CSNK1E: variants seen among roughly 807,000 people sequenced by gnomAD.
CSNK1E encodes the protein casein kinase 1 epsilon.
CSNK1E carries 17 observed loss-of-function variants against 46.1 expected under a neutral mutation model. The observed-to-expected ratio is 0.37, with a 90% CI of 0.25 to 0.55. CSNK1E has a LOEUF of 0.55. Among genes scored for constraint, CSNK1E ranks in the 20% least tolerant of loss-of-function variants. The probability of loss-of-function intolerance (pLI) is 0.82; values close to 1 mark genes in which losing one functional copy is unlikely to be tolerated. For missense variants in CSNK1E, 386 were observed against 595.4 expected, an observed-to-expected ratio of 0.65 and a Z score of 3.66; for synonymous variants, 241 against 242.6, an observed-to-expected ratio of 0.99 and a Z score of 0.06.
intron 10 of CSNK1E, chr22:38,292,989 T>C (rs1389385237): frequency 1.4e-5 from 7 of 505,132 alleles, no homozygotes; most frequent in South Asian, 1.1e-4. Flanking sequence ...CAGAAGGAGA[T>C]AGAGACCTGG....
At position 38,302,473 on chromosome 22, in the gene CSNK1E, G is replaced by A. The variant is rs188485059; in HGVS notation, c.336+388C>T. On this transcript the variant is annotated intron_variant, in intron 4 of 10. Transcript: ENST00000396832. ...TTAAATAAACAACTTGGCTGGGCAC[G>A]GTGGCTCACGCCTGTAATCCCAGCA... 1.3e-3 allele frequency among the ~76,000 whole-genome samples: 200 copies of A among 152,288 alleles called. 2 individuals are homozygous for A. The highest frequency in any genetic ancestry group is 4.1e-3 in the African/African-American group (169 of 41,562).
intron 1 of CSNK1E, among the ~76,000 whole-genome samples, chr22:38,315,299 G>A (rs1334634910): frequency 1.3e-5 from 2 of 152,240 alleles, no homozygotes; most frequent in African/African-American, 4.8e-5. Flanking sequence ...GGCCAGCCTG[G>A]GAGGGAGATG....
At chr22:38,301,568 G>C (rs1490158060) in intron 4 of CSNK1E, among the ~76,000 whole-genome samples, 5 of 152,120 alleles carry the variant, frequency 3.3e-5, no homozygotes, top group Non-Finnish European at 7.3e-5. Context: ...GAATAGCTGG[G>C]ACTATAGGCA....
chr22:38,299,628 A>C (rs1368842005), intron 6 of CSNK1E, among the ~76,000 whole-genome samples: 1 of 152,214 alleles, frequency 6.6e-6, no homozygotes, highest in African/African-American at 2.4e-5. Context: ...GGTTCAAGCA[A>C]TTCTCCTGCC....
chr22:38,313,657 G>T (rs949254495), intron 2 of CSNK1E, among the ~76,000 whole-genome samples: 2 of 152,212 alleles, frequency 1.3e-5, no homozygotes, highest in African/African-American at 4.8e-5. Flanking sequence ...GCCTGGGCTG[G>T]GTTCCAGGAG....
rs771805796 is a variant in CSNK1E at position 38,303,287 on chromosome 22, C to T, written c.77-39G>A. ...GGAGGCAAGGGACCAGGGTCACCCT[C>T]AAAGGCCAGGCAGTCCCAGGCGCCC... On this transcript the variant is annotated intron_variant, in intron 2 of 10. Transcript: ENST00000396832. This position sits in a 1 kb window ranked among gnomAD's most constrained non-coding sequence, Gnocchi z 4.7. The T allele has an allele frequency of 6.9e-5, 106 of 1,539,300 alleles. No individual in the cohort carries two copies. Among genetic ancestry groups the T allele is most frequent in the Middle Eastern group, 1.9e-4 (1 of 5,170 alleles).
At chr22:38,296,626 C>T in intron 7 of CSNK1E, 1 of 1,612,828 alleles carries the variant, frequency 6.2e-7, no homozygotes, top group Non-Finnish European at 8.5e-7. Context: ...GGGCCTGCCT[C>T]AAGAGGGACT....
rs1169433598 is a variant in CSNK1E, at chr22:38,300,812, G to A, written c.477C>T (p.Ala159=). ...DFGLAKKYRD[A]RTHQHIPYRE... Reference sequence around the variant, plus strand: ...GGTAGGGAATGTGCTGGTGGGTGCGGGCGTCCCGGTACTTCTTGGCCAGGC... The same window carrying A: ...GGTAGGGAATGTGCTGGTGGGTGCGAGCGTCCCGGTACTTCTTGGCCAGGC... The change falls in exon 5 of 11, where the codon GCC becomes GCT. Residue 159 remains alanine, a synonymous_variant. Transcript: ENST00000396832. The surrounding 1 kb of genome is among the most constrained non-coding windows in gnomAD (Gnocchi z 4.4). The A allele has an allele frequency of 6.2e-7, 1 of 1,614,250 alleles. No homozygotes were observed. Among genetic ancestry groups the A allele is most frequent in the Non-Finnish European group, 8.5e-7 (1 of 1,180,034 alleles).
intron 1 of CSNK1E, among the ~76,000 whole-genome samples, chr22:38,316,061 A>C (rs1482002718): frequency 2.0e-5 from 3 of 151,728 alleles, no homozygotes; most frequent in Non-Finnish European, 4.4e-5. Context: ...TTCATTCAGG[A>C]ATGGAGAGGC....
At position 38,298,538 on chromosome 22, in the gene CSNK1E, T is replaced by G; in HGVS notation, c.885+248A>C. 2.0e-6 allele frequency: 1 copy of G among 503,288 alleles called. No homozygotes were observed. Among genetic ancestry groups the G allele is most frequent in the Non-Finnish European group, 3.6e-6 (1 of 277,952 alleles). The allele number at this position is 503,288 out of a possible 1,614,324, so 31.2% of individuals were successfully genotyped here. On this transcript the variant is annotated intron_variant, in intron 7 of 10. Transcript: ENST00000396832. The surrounding 1 kb of genome is among the most constrained non-coding windows in gnomAD (Gnocchi z 4.2). ...GCGGGCACCCAGGAGGGACCCCAGG[T>G]GAAGCCAGATCCTCCTTGTTCCGAC...
At chr22:38,296,748 T>C (rs2092642851) in intron 7 of CSNK1E, 2 of 1,569,418 alleles carry the variant, frequency 1.3e-6, no homozygotes, top group Admixed American at 3.7e-5. Context: ...GGGAGGAACC[T>C]AGAGCAGTGA....
intron 2 of CSNK1E, among the ~76,000 whole-genome samples, chr22:38,313,815 C>A (rs1283752858): frequency 6.6e-6 from 1 of 152,190 alleles, no homozygotes; most frequent in African/African-American, 2.4e-5. Flanking sequence ...CCAGCTGACC[C>A]GGGACACTGA....
chr22:38,308,060 C>T (rs1233370267), intron 2 of CSNK1E, among the ~76,000 whole-genome samples: 1 of 152,192 alleles, frequency 6.6e-6, no homozygotes, highest in East Asian at 1.9e-4. Flanking sequence ...TATCTCCTCG[C>T]TCCATCCCCT....
chr22:38,301,844 A>G (rs995278517), intron 4 of CSNK1E, among the ~76,000 whole-genome samples: 4 of 152,102 alleles, frequency 2.6e-5, no homozygotes, highest in African/African-American at 9.7e-5. Flanking sequence ...TCACACCATG[A>G]GGGGCTCTGG....
At chr22:38,313,668 G>A (rs2092730738) in intron 2 of CSNK1E, among the ~76,000 whole-genome samples, 1 of 152,172 alleles carries the variant, frequency 6.6e-6, no homozygotes, top group African/African-American at 2.4e-5. Flanking sequence ...GTTCCAGGAG[G>A]CCAGGACATA....
At chr22:38,302,779 G>A in intron 4 of CSNK1E, 82 bp downstream of exon 4, 1 of 1,538,724 alleles carries the variant, frequency 6.5e-7, no homozygotes, top group Non-Finnish European at 8.9e-7. Flanking sequence ...CCCATCCTCT[G>A]GCATCCTCTG....
chr22:38,305,480 C>A (rs1366784172), intron 2 of CSNK1E, among the ~76,000 whole-genome samples: 4 of 41,860 alleles, frequency 9.6e-5, no homozygotes, highest in Non-Finnish European at 1.5e-4. Context: ...AAAAGAATCC[C>A]TTCTGCATGG....
chr22:38,295,327 G>T, intron 7 of CSNK1E: 1 of 679,620 alleles, frequency 1.5e-6, no homozygotes, highest in Non-Finnish European at 1.8e-6. Context: ...CCCTGGTGCA[G>T]GAGGAAGTGA....
chr22:38,308,607 C>T (rs1010161831), intron 2 of CSNK1E, among the ~76,000 whole-genome samples: 1 of 152,098 alleles, frequency 6.6e-6, no homozygotes, highest in African/African-American at 2.4e-5. Flanking sequence ...AACATGCTTA[C>T]AAGAGTGCCT....
Sources: allele counts gnomAD v4.1 joint callset (sites outside exome capture counted in the v4.1 genomes callset), GRCh38; gene constraint gnomAD v4.1.1; non-coding constraint Gnocchi (gnomAD v3.1); transcripts MANE v1.5; gene names NCBI Gene and HGNC (gene_info 2026-07-23, HGNC 2026-07-21).